MAPK4: variants seen among roughly 807,000 people sequenced by gnomAD.
The protein encoded by MAPK4 is Erk3-related.
A neutral mutation model predicts 47.7 loss-of-function variants in MAPK4; 22 were observed. The observed-to-expected ratio is 0.46, with a 90% confidence interval of 0.33 to 0.66. MAPK4 has a LOEUF of 0.66. MAPK4 is among the 30% of genes least tolerant of loss of function. The pLI, the probability that MAPK4 is intolerant of heterozygous loss-of-function variation, is 0.02. For synonymous variants in MAPK4, 390 were observed against 365.7 expected (o/e 1.07, Z -0.76); for missense variants, 736 against 831.7 (o/e 0.88, Z 1.42).
chr18:50,605,005 G>C (rs760939931), intron 1 of MAPK4, among the ~76,000 whole-genome samples: 1 of 152,204 alleles, frequency 6.6e-6, no homozygotes, highest in African/African-American at 2.4e-5. Flanking sequence ...GCAGGAGGAT[G>C]GTAGTTACAG....
In MAPK4 at chr18:50,731,140, C is replaced by T. The variant is rs1395226648; in HGVS notation, c.*1286C>T. 1 of 152,404 alleles carries T rather than the reference C, an allele frequency of 6.6e-6. No homozygotes were observed. The highest frequency in any genetic ancestry group is 1.9e-4 in the East Asian group (1 of 5,190). 9.4% of individuals were successfully genotyped at this position (152,404 alleles called of 1,614,324 possible). ...TAGGGGTCAGGCACCAGCATGGAGA[C>T]CTCATGACAAAGGAAGGGACTCAAA... On this transcript the variant is annotated 3_prime_UTR_variant, in exon 6 of 6. Coordinates refer to ENST00000400384, the MANE Select transcript of MAPK4 (RefSeq NM_002747.4).
At chr18:50,582,829 C>T (rs562453277) in intron 1 of MAPK4, among the ~76,000 whole-genome samples, 42 of 152,224 alleles carry the variant, frequency 2.8e-4, no homozygotes, top group Non-Finnish European at 5.1e-4. Flanking sequence ...CAGTGATGCC[C>T]CAAAACTCAG....
chr18:50,617,195 A>G (rs1303076858), intron 1 of MAPK4, among the ~76,000 whole-genome samples: 1 of 151,812 alleles, frequency 6.6e-6, no homozygotes, highest in East Asian at 1.9e-4. Flanking sequence ...AAAATAAGGC[A>G]TAGTAGAGCC....
chr18:50,728,027 C>T (rs934656079), intron 5 of MAPK4, among the ~76,000 whole-genome samples: 1 of 152,214 alleles, frequency 6.6e-6, no homozygotes, highest in African/African-American at 2.4e-5. Context: ...GCCCTAGCAG[C>T]GTCACTGGGA....
At chr18:50,603,251 C>A (rs2042555336) in intron 1 of MAPK4, among the ~76,000 whole-genome samples, 1 of 152,174 alleles carries the variant, frequency 6.6e-6, no homozygotes, top group Admixed American at 6.5e-5. Context: ...TCATCAGCCA[C>A]CCCAGAGCTC....
At chr18:50,632,616 A>ATT (rs10531891) in intron 1 of MAPK4, among the ~76,000 whole-genome samples, 3,446 of 122,270 alleles carry the variant, frequency 0.028, 167 homozygotes, top group African/African-American at 0.065. Context: ...GTCTGGTTTA[A>ATT]TTTTTTTTTT....
In MAPK4 at chr18:50,729,841, A is replaced by G. The variant is rs1306226522; in HGVS notation, c.1751A>G (p.Lys584Arg). Residue 584 changes from lysine to arginine, a missense_variant, in exon 6 of 6, where the codon AAA (lysine) becomes AGA (arginine). This residue lies in a region of MAPK4 where 377 missense variants were observed against 378.6 expected (regional missense o/e 1.00). Transcript: ENST00000400384. ...GDLVQTEAFS[K>R]ERW ...CTCGTGCAGACCGAGGCCTTCTCCA[A>G]AGAAAGGTGGTGAGGGCGGAGGGGC... The G allele has an allele frequency of 7.4e-6, 12 of 1,610,812 alleles. No homozygotes were observed. Among genetic ancestry groups the G allele is most frequent in the South Asian group, 1.1e-5 (1 of 90,628 alleles).
chr18:50,645,115 G>T (rs1280295986), intron 1 of MAPK4, among the ~76,000 whole-genome samples: 1 of 152,222 alleles, frequency 6.6e-6, no homozygotes, highest in Non-Finnish European at 1.5e-5. Flanking sequence ...TGGAAGGCGG[G>T]ATATGGCGAA....
chr18:50,684,107 C>T (rs1156439289), intron 2 of MAPK4, among the ~76,000 whole-genome samples: 2 of 152,132 alleles, frequency 1.3e-5, no homozygotes, highest in Non-Finnish European at 2.9e-5. Flanking sequence ...GAAGGGAAGT[C>T]GGAGTAGAGA....
At chr18:50,667,305 G>A (rs557884619) in intron 2 of MAPK4, among the ~76,000 whole-genome samples, 129 of 152,224 alleles carry the variant, frequency 8.5e-4, no homozygotes, top group African/African-American at 3.0e-3. Flanking sequence ...CCTAAGACAT[G>A]GCCCTCAATC....
intron 1 of MAPK4, among the ~76,000 whole-genome samples, chr18:50,635,167 C>T (rs2042873028): frequency 6.6e-6 from 1 of 152,166 alleles, no homozygotes; most frequent in Admixed American, 6.5e-5. Context: ...ATCAGTGCCT[C>T]CTGTCAGTAT....
At chr18:50,699,454 TA>T (rs1350015419) in intron 2 of MAPK4, among the ~76,000 whole-genome samples, 1 of 152,194 alleles carries the variant, frequency 6.6e-6, no homozygotes, top group Non-Finnish European at 1.5e-5. Context: ...TCAACCAAAT[TA>T]GTGACTTAAT....
intron 2 of MAPK4, among the ~76,000 whole-genome samples, chr18:50,691,993 T>C (rs1909244705): frequency 6.6e-6 from 1 of 152,152 alleles, no homozygotes; most frequent in South Asian, 2.1e-4. Context: ...AATTCTTTGA[T>C]AGATCTTAAA....
intron 4 of MAPK4, among the ~76,000 whole-genome samples, chr18:50,725,353 G>A (rs139753240): frequency 3.3e-5 from 5 of 152,234 alleles, no homozygotes; most frequent in African/African-American, 9.6e-5. Flanking sequence ...CCCACCCCTC[G>A]ACTGCAGCAT....
At chr18:50,661,539 T>G (rs1158919936) in intron 1 of MAPK4, among the ~76,000 whole-genome samples, 1 of 152,210 alleles carries the variant, frequency 6.6e-6, no homozygotes, top group African/African-American at 2.4e-5. Context: ...GGAATCAGAA[T>G]CGATGTTTCT....
At chr18:50,712,522 T>C (rs1486349277) in intron 2 of MAPK4, among the ~76,000 whole-genome samples, 3 of 146,580 alleles carry the variant, frequency 2.0e-5, no homozygotes, top group African/African-American at 7.6e-5. Context: ...TAGTTAAAAA[T>C]TCAGCAGGCT....
At chr18:50,644,401 G>A (rs57091267) in intron 1 of MAPK4, among the ~76,000 whole-genome samples, 34,615 of 151,872 alleles carry the variant, frequency 0.23, 4,357 homozygotes, top group East Asian at 0.45. Flanking sequence ...TTGGGTATCT[G>A]GAGGGCCCCA....
At chr18:50,641,936 A>C (rs910993974) in intron 1 of MAPK4, among the ~76,000 whole-genome samples, 3 of 152,178 alleles carry the variant, frequency 2.0e-5, no homozygotes, top group African/African-American at 7.2e-5. Flanking sequence ...AAGGGTTTGT[A>C]TTTTACAAAA....
chr18:50,639,010 A>T (rs1228323982), intron 1 of MAPK4, among the ~76,000 whole-genome samples: 1 of 152,206 alleles, frequency 6.6e-6, no homozygotes, highest in African/African-American at 2.4e-5. Flanking sequence ...AAGGCCTTAT[A>T]TGGGCACAAC....
Sources: gnomAD v4.1 joint callset for allele counts (sites outside exome capture counted in the v4.1 genomes callset) on GRCh38, gnomAD v4.1.1 for gene constraint, gnomAD v4.1.1 regional missense constraint, MANE v1.5 for transcripts, NCBI Gene and HGNC (gene_info 2026-07-23, HGNC 2026-07-21) for gene names.